The following NFIB variants were observed in gnomAD, a reference collection of about 807,000 sequenced individuals.
NFIB encodes the protein nuclear factor I B.
Under a neutral mutation model 61.5 loss-of-function variants are expected in NFIB, and 11 were observed. That is an observed-to-expected ratio of 0.18 (90% CI 0.11 to 0.30). NFIB has a LOEUF of 0.30. NFIB is among the 10% of genes least tolerant of loss of function. The pLI is 1.00. For synonymous variants in NFIB, 260 were observed against 216.5 expected, an observed-to-expected ratio of 1.20 and a Z score of -1.76; for missense variants, 471 against 608.9, an observed-to-expected ratio of 0.77 and a Z score of 2.38.
chr9:14,402,153 T>G (rs1361277282), upstream of NFIB, among the ~76,000 whole-genome samples: 1 of 152,178 alleles, frequency 6.6e-6, no homozygotes, highest in Non-Finnish European at 1.5e-5. Context: ...GATCACACAT[T>G]ATCTTTAAAA....
At chr9:14,128,710 A>AC (rs2040022246) in intron 6 of NFIB, among the ~76,000 whole-genome samples, 1 of 151,856 alleles carries the variant, frequency 6.6e-6, no homozygotes, top group Non-Finnish European at 1.5e-5. Context: ...AAAAAAAAAA[A>AC]AAAATTAATG....
At chr9:14,496,470 G>C in the NFIB span, among the ~76,000 whole-genome samples, 130 of 152,258 alleles carry the variant, frequency 8.5e-4, no homozygotes, top group Non-Finnish European at 5.1e-4. Flanking sequence ...TTTTCAGATT[G>C]AGGATGTTCA....
intron 3 of NFIB, among the ~76,000 whole-genome samples, chr9:14,165,506 C>T (rs909853638): frequency 2.2e-4 from 34 of 152,088 alleles, no homozygotes; most frequent in Admixed American, 1.8e-3. Flanking sequence ...GCTATCATTA[C>T]GATAGAGGAA....
the NFIB span, among the ~76,000 whole-genome samples, chr9:14,431,701 G>C: frequency 3.4e-4 from 52 of 151,280 alleles, no homozygotes; most frequent in African/African-American, 1.2e-3. Flanking sequence ...ATTTGGTAGA[G>C]TCAGGAAGGT....
chr9:14,286,501 C>A (rs1191252424), intron 2 of NFIB, among the ~76,000 whole-genome samples: 1 of 152,154 alleles, frequency 6.6e-6, no homozygotes, highest in East Asian at 1.9e-4. Flanking sequence ...TCACAATAAT[C>A]CATTCTCATG....
Position 14,116,313 on chromosome 9 carries a change from G to A in NFIB, c.1279C>T (p.Pro427Ser), listed in dbSNP as rs1358003647. 4 of 1,533,894 alleles carry A rather than the reference G, an allele frequency of 2.6e-6. No homozygotes were observed. Among genetic ancestry groups the A allele is most frequent in the African/African-American group, 2.8e-5 (2 of 72,616 alleles). Residue 427 changes from proline to serine, a missense_variant, in exon 9 of 11, where the codon CCT becomes TCT. Physicochemically the swap from Pro to Ser is moderately conservative, Grantham distance 74. Transcript: ENST00000380953. Reference sequence around the variant, plus strand: ...GCCAAGACAGGAGTGAAATGGCCAGGCACTTTCCCTACTACTTGACCACTG... The same window carrying A: ...GCCAAGACAGGAGTGAAATGGCCAGACACTTTCCCTACTACTTGACCACTG... Reference protein sequence around the residue: ...NGSGQVVGKVPGHFTPVLAPS... With the variant: ...NGSGQVVGKVSGHFTPVLAPS...
At chr9:14,261,566 G>C (rs1233355302) in intron 2 of NFIB, among the ~76,000 whole-genome samples, 2 of 152,198 alleles carry the variant, frequency 1.3e-5, no homozygotes, top group Admixed American at 1.3e-4. Context: ...AAATTTATTA[G>C]TGTGCAAGGG....
intron 6 of NFIB, among the ~76,000 whole-genome samples, chr9:14,135,428 A>C (rs1260568235): frequency 3.3e-5 from 5 of 152,224 alleles, no homozygotes; most frequent in African/African-American, 1.2e-4. Flanking sequence ...CAGGCAAAAC[A>C]ATGTCTTTTG....
At chr9:14,500,470 A>C in the NFIB span, among the ~76,000 whole-genome samples, 1 of 152,164 alleles carries the variant, frequency 6.6e-6, no homozygotes, top group Non-Finnish European at 1.5e-5. Context: ...ACTTCTAGTG[A>C]GAGTTGCTCA....
At chr9:14,230,467 C>T (rs2052986867) in intron 2 of NFIB, among the ~76,000 whole-genome samples, 1 of 152,180 alleles carries the variant, frequency 6.6e-6, no homozygotes, top group African/African-American at 2.4e-5. Flanking sequence ...AGGAAGACTT[C>T]TTTGTTGAAG....
upstream of NFIB, among the ~76,000 whole-genome samples, chr9:14,315,793 G>C (rs2060520518): frequency 6.6e-6 from 1 of 151,916 alleles, no homozygotes; most frequent in Admixed American, 6.5e-5. Flanking sequence ...GGGGTGGATG[G>C]GGACGAGGGG....
At chr9:14,191,493 G>A (rs1030890304) in intron 2 of NFIB, among the ~76,000 whole-genome samples, 1 of 152,062 alleles carries the variant, frequency 6.6e-6, no homozygotes, top group Admixed American at 6.6e-5. Flanking sequence ...TTTTAAAAAA[G>A]GGAACTGAGA....
chr9:14,137,866 G>T (rs1415446812), intron 6 of NFIB, among the ~76,000 whole-genome samples: 2 of 152,132 alleles, frequency 1.3e-5, no homozygotes, highest in Non-Finnish European at 2.9e-5. Context: ...TGATTTCAGA[G>T]CAAGGACTAC....
intron 1 of NFIB, among the ~76,000 whole-genome samples, chr9:14,395,471 T>C (rs1185656478): frequency 6.6e-6 from 1 of 152,030 alleles, no homozygotes; most frequent in Non-Finnish European, 1.5e-5. Flanking sequence ...GTGGCCTGGA[T>C]GAATTCAAAG....
the NFIB span, among the ~76,000 whole-genome samples, chr9:14,504,049 T>A: frequency 6.6e-6 from 1 of 152,212 alleles, no homozygotes; most frequent in Non-Finnish European, 1.5e-5. Flanking sequence ...TTGCCAATTA[T>A]CCCAACACCA....
At chr9:14,431,360 T>A in the NFIB span, among the ~76,000 whole-genome samples, 1 of 152,054 alleles carries the variant, frequency 6.6e-6, no homozygotes, top group African/African-American at 2.4e-5. Context: ...ATCACATTTT[T>A]TAAAAAAAAA....
At chr9:14,374,036 C>T (rs1191091112) in intron 1 of NFIB, among the ~76,000 whole-genome samples, 1 of 152,116 alleles carries the variant, frequency 6.6e-6, no homozygotes, top group African/African-American at 2.4e-5. Flanking sequence ...TCTCCATGTC[C>T]TGGGGTTGTA....
rs1453983835 is a variant in NFIB at position 14,330,285 on chromosome 9, T to A, written c.109-22765A>T. 3.3e-5 allele frequency among the ~76,000 whole-genome samples: 5 copies of A among 152,310 alleles called. No homozygotes were observed. The East Asian group carries it at 9.6e-4, about 29-fold the overall frequency. The stretch of plus-strand genomic sequence containing the variant: ...TTAAATACTTTATAATATTCTTATC[T>A]GACATACCTCACAGAAATGTGATCA... On this transcript the variant is annotated intron_variant, in intron 1 of 8. Coordinates refer to the NFIB transcript ENST00000380934.
At chr9:14,315,826 T>G (rs1175164106), upstream of NFIB, among the ~76,000 whole-genome samples, 1 of 151,154 alleles carries the variant, frequency 6.6e-6, no homozygotes, top group Admixed American at 6.6e-5. Context: ...TCCCAGACAA[T>G]GGAGGGAGGA....
Sources: allele counts gnomAD v4.1 joint callset (sites outside exome capture counted in the v4.1 genomes callset), GRCh38; gene constraint gnomAD v4.1.1; transcripts MANE v1.5; gene names NCBI Gene and HGNC (gene_info 2026-07-23, HGNC 2026-07-21).